The following PPP2R5C variants were observed in gnomAD, a reference collection of about 807,000 sequenced individuals.
PPP2R5C encodes the protein protein phosphatase 2 regulatory subunit B'gamma.
A neutral mutation model predicts 68.9 loss-of-function variants in PPP2R5C; 7 were observed. The observed-to-expected ratio is 0.10, with a 90% CI of 0.06 to 0.19. The LOEUF is 0.19. PPP2R5C is among the 10% of genes least tolerant of loss of function. The pLI is 1.00. For missense variants in PPP2R5C, 348 were observed against 641.3 expected, an observed-to-expected ratio of 0.54 and a Z score of 4.94; for synonymous variants, 210 against 222.2, an observed-to-expected ratio of 0.95 and a Z score of 0.49.
At chr14:101,836,064 G>A in intron 1 of PPP2R5C, 1 of 609,066 alleles carries the variant, frequency 1.6e-6, no homozygotes, top group Non-Finnish European at 2.9e-6. Flanking sequence ...AAATACAATG[G>A]GAAATTAAAT....
chr14:101,847,482 C>G (rs1047400476), intron 1 of PPP2R5C, among the ~76,000 whole-genome samples: 8 of 152,158 alleles, frequency 5.3e-5, no homozygotes, highest in African/African-American at 1.9e-4. Context: ...GAGCCTTCAT[C>G]CGCATGTCTC....
intron 13 of PPP2R5C, chr14:101,921,073 TTTTTTTTTTTTTG>T: frequency 6.8e-6 from 1 of 147,538 alleles, no homozygotes; most frequent in Non-Finnish European, 1.4e-5. Context: ...TTTTTTTTTT[TTTTTTTTTTTTTG>T]AGACAGGGTC....
intron 2 of PPP2R5C, among the ~76,000 whole-genome samples, chr14:101,862,816 A>AT (rs71116853): frequency 0.052 from 6,609 of 127,194 alleles, 263 homozygotes; most frequent in South Asian, 0.098. Context: ...GACATGATGG[A>AT]TTTTTTTTTT....
chr14:101,922,490 A>G, intron 13 of PPP2R5C, among the ~76,000 whole-genome samples: 1 of 102,212 alleles, frequency 9.8e-6, no homozygotes, highest in African/African-American at 7.2e-5. Context: ...CTCTGTGTCA[A>G]AAATAAATAT....
intron 1 of PPP2R5C, among the ~76,000 whole-genome samples, chr14:101,856,010 G>A (rs1371885734): frequency 6.6e-6 from 1 of 152,222 alleles, no homozygotes; most frequent in African/African-American, 2.4e-5. Flanking sequence ...AACGTCAGTC[G>A]TCATGTGTGA....
At chr14:101,764,431 T>A (rs189221438) in intron 2 of PPP2R5C, among the ~76,000 whole-genome samples, 1 of 152,350 alleles carries the variant, frequency 6.6e-6, no homozygotes, top group East Asian at 1.9e-4. Context: ...CAAATTAGAA[T>A]GAGTTCAGTT....
chr14:101,884,625 A>G (rs938945243), intron 5 of PPP2R5C, among the ~76,000 whole-genome samples: 1 of 152,250 alleles, frequency 6.6e-6, no homozygotes, highest in Non-Finnish European at 1.5e-5. Context: ...GTCCAGTGGC[A>G]GGCCCACCTC....
At chr14:101,836,435 G>A (rs999963325) in intron 1 of PPP2R5C, 51 of 695,586 alleles carry the variant, frequency 7.3e-5, no homozygotes, top group Admixed American at 4.6e-4. Context: ...ACACACTGTC[G>A]TAGCTGGTTT....
chr14:101,884,075 C>T (rs984060155), intron 5 of PPP2R5C, among the ~76,000 whole-genome samples: 3 of 152,140 alleles, frequency 2.0e-5, no homozygotes, highest in East Asian at 1.9e-4. Context: ...CAGTCTGTGG[C>T]GGAAAGCCCA....
chr14:101,904,687 A>G (rs1042103113), intron 9 of PPP2R5C, among the ~76,000 whole-genome samples: 55 of 152,054 alleles, frequency 3.6e-4, no homozygotes, highest in African/African-American at 1.3e-3. Flanking sequence ...TCAGCATCCC[A>G]CCCATACACA....
intron 1 of PPP2R5C, among the ~76,000 whole-genome samples, chr14:101,852,368 C>T (rs2042206876): frequency 6.6e-6 from 1 of 151,988 alleles, no homozygotes; most frequent in African/African-American, 2.4e-5. Flanking sequence ...CTTTGTTAAA[C>T]ATCTCTATTT....
chr14:101,909,601 C>T (rs369622589), exon 11 of PPP2R5C: 11 of 1,608,022 alleles, frequency 6.8e-6, no homozygotes, highest in Middle Eastern at 1.7e-4. Context: ...CAATACATGG[C>T]TTGATATACA....
intron 2 of PPP2R5C, among the ~76,000 whole-genome samples, chr14:101,773,610 G>A (rs2037262851): frequency 1.3e-5 from 2 of 152,152 alleles, no homozygotes; most frequent in South Asian, 4.1e-4. Flanking sequence ...GAGGTAGGGA[G>A]CCGAGCACAG....
At chr14:101,831,835 A>G (rs1368597504) in intron 1 of PPP2R5C, 1 of 689,682 alleles carries the variant, frequency 1.4e-6, no homozygotes, top group Non-Finnish European at 2.7e-6. Context: ...AGCAATCCCC[A>G]ACATGGACCA....
In PPP2R5C at chr14:101,879,748, G is replaced by A. The variant is rs540612624; in HGVS notation, c.295-2413G>A. 5.4e-4 allele frequency among the ~76,000 whole-genome samples: 82 copies of A among 152,308 alleles called. No homozygotes were observed. Among genetic ancestry groups the A allele is most frequent in the Non-Finnish European group, 1.0e-3 (71 of 68,020 alleles). Reference sequence around the variant, plus strand: ...CCTCACCCCAGTCTCTTGGCTTTGAGAGAGAGGGTAGAAACCCCAGTTCAC... The same window carrying A: ...CCTCACCCCAGTCTCTTGGCTTTGAAAGAGAGGGTAGAAACCCCAGTTCAC... On this transcript the variant is annotated intron_variant, in intron 2 of 13. Transcript: ENST00000334743. This position sits in a 1 kb window ranked among gnomAD's most constrained non-coding sequence, Gnocchi z 4.2.
At chr14:101,900,929 G>A (rs1012738219) in intron 8 of PPP2R5C, among the ~76,000 whole-genome samples, 5 of 152,230 alleles carry the variant, frequency 3.3e-5, no homozygotes, top group Admixed American at 6.5e-5. Context: ...TGTATCTGAC[G>A]CCCACAGGTG....
intron 3 of PPP2R5C, among the ~76,000 whole-genome samples, chr14:101,789,386 T>C (rs894546715): frequency 3.3e-5 from 5 of 152,216 alleles, no homozygotes; most frequent in Non-Finnish European, 7.3e-5. Flanking sequence ...CACAGGACTC[T>C]TCCCGGACCC....
intron 7 of PPP2R5C, 58 bp downstream of exon 9, chr14:101,893,166 C>G (rs144616885): frequency 9.1e-5 from 110 of 1,206,320 alleles, no homozygotes; most frequent in African/African-American, 5.5e-4. Context: ...GGATTGAACA[C>G]GAGATAGTGA....
At chr14:101,853,760 G>T (rs572031846) in intron 1 of PPP2R5C, among the ~76,000 whole-genome samples, 1 of 152,078 alleles carries the variant, frequency 6.6e-6, no homozygotes, top group African/African-American at 2.4e-5. Context: ...CCTCTAGATC[G>T]GGGTAACGGC....
Sources: gnomAD v4.1 joint callset for allele counts (sites outside exome capture counted in the v4.1 genomes callset) on GRCh38, gnomAD v4.1.1 for gene constraint, Gnocchi (gnomAD v3.1) non-coding constraint, MANE v1.5 for transcripts, NCBI Gene and HGNC (gene_info 2026-07-23, HGNC 2026-07-21) for gene names.